The following MAT2B variants were observed in gnomAD, a reference collection of about 807,000 sequenced individuals.
MAT2B encodes the protein methionine adenosyltransferase 2 subunit beta.
In MAT2B, 16 loss-of-function variants were observed where a neutral mutation model predicts 36.1. The observed-to-expected ratio is 0.44, with a 90% CI of 0.30 to 0.67. The LOEUF is 0.67. MAT2B is among the 30% of genes least tolerant of loss of function. The pLI is 0.09. For missense variants in MAT2B, 332 were observed against 398.2 expected (o/e 0.83, Z 1.42); for synonymous variants, 148 against 136.9 (o/e 1.08, Z -0.57).
intron 4 of MAT2B, among the ~76,000 whole-genome samples, chr5:163,514,404 T>C (rs1284078461): frequency 3.9e-5 from 6 of 152,248 alleles, no homozygotes; most frequent in Non-Finnish European, 7.3e-5. Flanking sequence ...AACATTCTAT[T>C]ATGGTGTTTC....
chr5:163,517,515 G>A lies in MAT2B; in HGVS notation c.721-46G>A, dbSNP rs748875721. 2.5e-6 allele frequency: 3 copies of A among 1,187,014 alleles called. No homozygotes were observed. The South Asian group carries it at 3.7e-5, about 15-fold the overall frequency. 73.5% of individuals were successfully genotyped at this position (1,187,014 alleles called of 1,614,324 possible). A position where few individuals can be genotyped will look rare whatever the true frequency, so the allele number is the denominator to read the frequency against. Reference sequence around the variant, plus strand: ...TTTTTGGTCAAACCTATTCTACTCAGCTCAAAAAGTTGAAACTATTGAATT... The same window carrying A: ...TTTTTGGTCAAACCTATTCTACTCAACTCAAAAAGTTGAAACTATTGAATT... On this transcript the variant is annotated intron_variant, in intron 5 of 6. Coordinates refer to ENST00000321757, the MANE Select transcript of MAT2B (RefSeq NM_013283.5).
chr5:163,513,161 T>C (rs1343280957), intron 2 of MAT2B: 3 of 171,178 alleles, frequency 1.8e-5, no homozygotes, highest in Non-Finnish European at 3.8e-5. Context: ...GATTTTTAAA[T>C]TTTTTTGTAG....
upstream of MAT2B, among the ~76,000 whole-genome samples, chr5:163,504,411 A>G (rs772496575): frequency 2.0e-5 from 3 of 152,200 alleles, no homozygotes; most frequent in African/African-American, 7.2e-5. Flanking sequence ...TACACGAATA[A>G]GGAAATGAGT....
At chr5:163,503,322 A>C, upstream of MAT2B, 1 of 1,452,004 alleles carries the variant, frequency 6.9e-7, no homozygotes, top group Non-Finnish European at 9.7e-7. Context: ...GCAGAAGCGA[A>C]CAAAGACCCA....
At chr5:163,510,095 G>A (rs1253900627) in intron 1 of MAT2B, among the ~76,000 whole-genome samples, 1 of 152,098 alleles carries the variant, frequency 6.6e-6, no homozygotes, top group Non-Finnish European at 1.5e-5. Flanking sequence ...TATTGTATAT[G>A]TATTTAAAGA....
chr5:163,513,102 C>T (rs10214203), intron 2 of MAT2B: 31,727 of 169,930 alleles, frequency 0.19, 3,552 homozygotes, highest in African/African-American at 0.31. Context: ...CCTTCTGCCT[C>T]GGCCTCCACA....
At chr5:163,514,671 T>A (rs923935115) in intron 4 of MAT2B, among the ~76,000 whole-genome samples, 17 of 152,184 alleles carry the variant, frequency 1.1e-4, no homozygotes, top group African/African-American at 4.1e-4. Flanking sequence ...CTGGGATATC[T>A]TACTCCTATC....
chr5:163,506,966 A>AG (rs1759955953), intron 1 of MAT2B, among the ~76,000 whole-genome samples: 3 of 152,188 alleles, frequency 2.0e-5, no homozygotes, highest in Admixed American at 6.5e-5. Context: ...TTAGAGAAGC[A>AG]TCCTGGAGTG....
chr5:163,511,786 C>G (rs1760050494), intron 1 of MAT2B, among the ~76,000 whole-genome samples: 1 of 152,104 alleles, frequency 6.6e-6, no homozygotes, highest in Admixed American at 6.5e-5. Flanking sequence ...TTCCTGGGCT[C>G]AGCGGAGCTG....
Position 163,518,666 on chromosome 5 carries a change from TC to T in MAT2B, c.*304del, listed in dbSNP as rs1341820559. The T allele has an allele frequency of 5.2e-6, 1 of 192,202 alleles. No homozygotes were observed. The highest frequency in any genetic ancestry group is 1.2e-4 in the East Asian group (1 of 8,012). The allele number at this position is 192,202 out of a possible 1,614,324, so 11.9% of individuals were successfully genotyped here. A position where few individuals can be genotyped will look rare whatever the true frequency, so the allele number is the denominator to read the frequency against. Reference sequence around the variant, plus strand: ...ATGAAGCAGATCTGCTGTAGACTTTTCAGATGAAATTGTTCATTCTCGTAAC... The same window carrying T: ...ATGAAGCAGATCTGCTGTAGACTTTTAGATGAAATTGTTCATTCTCGTAAC... On this transcript the variant is annotated 3_prime_UTR_variant, in exon 7 of 7. Coordinates refer to ENST00000321757, the MANE Select transcript of MAT2B (RefSeq NM_013283.5).
chr5:163,513,923 T>C lies in MAT2B; in HGVS notation c.455T>C (p.Ile152Thr), dbSNP rs745735029. Residue 152 changes from isoleucine (I) to threonine (T), a missense_variant, in exon 4 of 7, where the codon ATA (isoleucine) becomes ACA (threonine). Ile to Thr is a moderately conservative substitution (Grantham distance 89). Transcript: ENST00000321757. ...AATCCACCTTACAGAGAGGAAGACA[T>C]ACCAGCTCCCCTAAATTTGTATGGC... ...GTNPPYREEDIPAPLNLYGKT... is the reference protein window; with the variant it reads ...GTNPPYREEDTPAPLNLYGKT... The C allele has an allele frequency of 6.2e-7, 1 of 1,613,502 alleles. No homozygotes were observed. Among genetic ancestry groups the C allele is most frequent in the Non-Finnish European group, 8.5e-7 (1 of 1,179,696 alleles).
chr5:163,505,174 C>A (rs1220221376), upstream of MAT2B, among the ~76,000 whole-genome samples: 1 of 151,642 alleles, frequency 6.6e-6, no homozygotes, highest in Non-Finnish European at 1.5e-5. Context: ...CTTTCAAAAC[C>A]CCCACCTAGA....
chr5:163,514,613 T>C (rs1402562400), intron 4 of MAT2B, among the ~76,000 whole-genome samples: 1 of 44,998 alleles, frequency 2.2e-5, no homozygotes, highest in African/African-American at 2.2e-4. Context: ...TCACAACCTG[T>C]TTTTTTTCCC....
chr5:163,511,937 C>T, intron 1 of MAT2B, 65 bp from the exon 2 acceptor site: 2 of 1,192,240 alleles, frequency 1.7e-6, no homozygotes, highest in Non-Finnish European at 2.4e-6. Flanking sequence ...AACGATGGTG[C>T]CTAATATATT....
intron 5 of MAT2B, chr5:163,517,053 A>C: frequency 2.5e-6 from 1 of 394,522 alleles, no homozygotes; most frequent in East Asian, 3.9e-5. Flanking sequence ...CACATTTGAA[A>C]AAGTTGGTAT....
chr5:163,503,482 A>C (rs1561654132), upstream of MAT2B: 2 of 1,499,124 alleles, frequency 1.3e-6, no homozygotes, highest in South Asian at 1.1e-5. Context: ...CTTTAAAAGC[A>C]TTCCAGTGAA....
At chr5:163,510,500 A>G (rs763873994) in intron 1 of MAT2B, among the ~76,000 whole-genome samples, 73 of 150,564 alleles carry the variant, frequency 4.8e-4, no homozygotes, top group Non-Finnish European at 9.0e-4. Flanking sequence ...GGTTCAAGCA[A>G]TTCTCCCGCC....
intron 6 of MAT2B, 23 bp downstream of exon 6, chr5:163,517,697 C>G: frequency 7.1e-7 from 1 of 1,408,620 alleles, no homozygotes. Flanking sequence ...CTGTAAAAAC[C>G]TTTAGATCCA....
intron 1 of MAT2B, among the ~76,000 whole-genome samples, chr5:163,506,667 T>A (rs1483495723): frequency 2.6e-5 from 4 of 152,210 alleles, no homozygotes; most frequent in Non-Finnish European, 5.9e-5. Context: ...AGGGTAAAGT[T>A]AGGATAAATG....
Sources: allele counts gnomAD v4.1 joint callset (sites outside exome capture counted in the v4.1 genomes callset), GRCh38; gene constraint gnomAD v4.1.1; transcripts MANE v1.5; gene names NCBI Gene and HGNC (gene_info 2026-07-23, HGNC 2026-07-21).